Variants in PRIM2 observed in about 807,000 individuals in gnomAD.
The protein encoded by PRIM2 is DNA primase subunit 2.
In PRIM2, 39 loss-of-function variants were observed where a neutral mutation model predicts 67.3. The ratio of observed to expected loss-of-function variants is 0.58; its 90% CI spans 0.45 to 0.76. The LOEUF (loss-of-function observed/expected upper bound fraction) is 0.76. PRIM2 is among the 30% of genes least tolerant of loss of function. The pLI is 0.00. For missense variants in PRIM2, 398 were observed against 598.7 expected (o/e 0.66, Z 3.50); for synonymous variants, 143 against 198.7 (o/e 0.72, Z 2.36).
chr6:57,328,820 A>G (rs1010281697), intron 5 of PRIM2, among the ~76,000 whole-genome samples: 1 of 152,202 alleles, frequency 6.6e-6, no homozygotes, highest in African/African-American at 2.4e-5. Context: ...ATCCTCACCA[A>G]AAATTGTTAC....
chr6:57,524,706 TA>T (rs1379539540), intron 8 of PRIM2, among the ~76,000 whole-genome samples: 62 of 144,184 alleles, frequency 4.3e-4, no homozygotes, highest in Admixed American at 4.8e-4. Flanking sequence ...CGTCTCAAAT[TA>T]AAAAAAAAAA....
At chr6:57,248,422 T>C in the PRIM2 span, among the ~76,000 whole-genome samples, 1 of 152,188 alleles carries the variant, frequency 6.6e-6, no homozygotes, top group Non-Finnish European at 1.5e-5. Context: ...AGGTTCTTGG[T>C]GTTTCGAACA....
chr6:57,390,539 C>G (rs1210242991), intron 7 of PRIM2, among the ~76,000 whole-genome samples: 1 of 152,068 alleles, frequency 6.6e-6, no homozygotes, highest in Non-Finnish European at 1.5e-5. Context: ...TCTCCTTCCT[C>G]CCAACCTCCA....
At chr6:57,585,506 A>T (rs1185370001) in intron 10 of PRIM2, among the ~76,000 whole-genome samples, 2 of 152,170 alleles carry the variant, frequency 1.3e-5, no homozygotes, top group African/African-American at 4.8e-5. Flanking sequence ...AGATGAAAGA[A>T]ACTTAAGGAG....
intron 7 of PRIM2, among the ~76,000 whole-genome samples, chr6:57,491,932 G>A (rs1554345992): frequency 1.3e-5 from 2 of 152,124 alleles, no homozygotes; most frequent in Admixed American, 6.5e-5. Context: ...TCCAGTGTGC[G>A]TGTGGCCCCT....
At chr6:57,419,225 C>T (rs1283016703) in intron 7 of PRIM2, among the ~76,000 whole-genome samples, 2 of 151,820 alleles carry the variant, frequency 1.3e-5, no homozygotes, top group Non-Finnish European at 2.9e-5. Flanking sequence ...GCCCTAGGAT[C>T]TTGGTGGCCA....
Position 57,318,586 on chromosome 6 carries a change from T to G in PRIM2, c.141T>G (p.Ile47Met), listed in dbSNP as rs780944762. Residue 47 changes from isoleucine to methionine, a missense_variant, in exon 2 of 14, where the codon ATT becomes ATG. Coordinates refer to ENST00000615550, the MANE Select transcript of PRIM2 (RefSeq NM_000947.5). ...ISLIEFENLA[I>M]DRVKLLKSVE... Reference sequence around the variant, plus strand: ...TAATAGAATTTGAAAACTTGGCTATTGATAGAGTTAAATGTAAGTACTATT... The same window carrying G: ...TAATAGAATTTGAAAACTTGGCTATGGATAGAGTTAAATGTAAGTACTATT... 3.2e-6 allele frequency: 5 copies of G among 1,564,318 alleles called. No homozygotes were observed. The highest frequency in any genetic ancestry group is 3.5e-6 in the Non-Finnish European group (4 of 1,152,678).
chr6:57,339,008 C>T (rs1441345645), intron 5 of PRIM2, among the ~76,000 whole-genome samples: 2 of 152,132 alleles, frequency 1.3e-5, no homozygotes, highest in Non-Finnish European at 2.9e-5. Flanking sequence ...TCAGCAAAGT[C>T]TCAGGATACA....
intron 7 of PRIM2, among the ~76,000 whole-genome samples, chr6:57,507,170 G>C (rs1177651471): frequency 1.4e-4 from 22 of 152,052 alleles, no homozygotes; most frequent in African/African-American, 5.1e-4. Context: ...TTTAAACTTA[G>C]TGACATACCC....
At chr6:57,296,980 T>A in the PRIM2 span, among the ~76,000 whole-genome samples, 1 of 152,004 alleles carries the variant, frequency 6.6e-6, no homozygotes, top group East Asian at 1.9e-4. Context: ...AACAAAATAA[T>A]ACATAAGGAG....
At chr6:57,311,863 C>T (rs528511295), upstream of PRIM2, among the ~76,000 whole-genome samples, 28 of 152,150 alleles carry the variant, frequency 1.8e-4, no homozygotes, top group South Asian at 5.0e-3. Context: ...CCCGTCTCCA[C>T]CAAAAATACA....
chr6:57,484,290 G>A (rs1258543631), intron 7 of PRIM2, among the ~76,000 whole-genome samples: 16 of 152,220 alleles, frequency 1.1e-4, no homozygotes, highest in Admixed American at 4.6e-4. Context: ...ATGCAGGACA[G>A]TATTCACACA....
intron 12 of PRIM2, among the ~76,000 whole-genome samples, chr6:57,613,881 C>T (rs1212932355): frequency 6.5e-4 from 99 of 152,052 alleles, no homozygotes; most frequent in African/African-American, 2.3e-3. Context: ...GACAGAGTTT[C>T]GCTCTTGTCA....
In PRIM2 at chr6:57,592,877, A is replaced by G. The variant is rs1289678734; in HGVS notation, c.1021-8216A>G. Among the ~76,000 whole-genome samples the G allele has an allele frequency of 3.3e-5, 5 of 152,196 alleles. No individual in the cohort carries two copies. In the East Asian group the frequency reaches 5.8e-4, roughly 18 times the overall value. On this transcript the variant is annotated intron_variant, in intron 10 of 13. Coordinates refer to ENST00000615550, the MANE Select transcript of PRIM2 (RefSeq NM_000947.5). ...TATTCTAAGGAAGACCGTGCAATGC[A>G]CTGTCCATGTCAGCAAAGAGATGTT...
In PRIM2 at chr6:57,565,019, G is replaced by C. The variant is rs1775708552; in HGVS notation, c.1020+27394G>C. Among the ~76,000 whole-genome samples, 3 of 152,088 alleles carry C rather than the reference G, an allele frequency of 2.0e-5. No individual in the cohort carries two copies. In the East Asian group the frequency reaches 5.8e-4, roughly 29 times the overall value. On this transcript the variant is annotated intron_variant, in intron 10 of 13. Coordinates refer to ENST00000615550, the MANE Select transcript of PRIM2 (RefSeq NM_000947.5). Reference sequence around the variant, plus strand: ...TTGGCCATCTCCTAATTTAGAATGTGGATTCCTTAAATTTTTTTCTTTATT... The same window carrying C: ...TTGGCCATCTCCTAATTTAGAATGTCGATTCCTTAAATTTTTTTCTTTATT...
At chr6:57,393,764 A>G (rs947844013) in intron 7 of PRIM2, among the ~76,000 whole-genome samples, 3 of 151,876 alleles carry the variant, frequency 2.0e-5, no homozygotes, top group Non-Finnish European at 2.9e-5. Context: ...GGTTTTCCCA[A>G]TGTTATCTTC....
At chr6:57,472,870 T>A (rs1773372905) in intron 7 of PRIM2, among the ~76,000 whole-genome samples, 1 of 152,226 alleles carries the variant, frequency 6.6e-6, no homozygotes, top group African/African-American at 2.4e-5. Flanking sequence ...TGTAAGTATG[T>A]GTAATTATCT....
the PRIM2 span, among the ~76,000 whole-genome samples, chr6:57,296,365 A>G: frequency 0.054 from 8,162 of 152,240 alleles, 274 homozygotes; most frequent in Non-Finnish European, 0.078. Context: ...AAACTAATTT[A>G]GATTTTAAAA....
intron 7 of PRIM2, among the ~76,000 whole-genome samples, chr6:57,451,757 T>C (rs928800899): frequency 6.6e-6 from 1 of 152,060 alleles, no homozygotes; most frequent in African/African-American, 2.4e-5. Context: ...TCTAACTACA[T>C]ACTGGCTTGT....
Sources: allele counts gnomAD v4.1 joint callset (sites outside exome capture counted in the v4.1 genomes callset), GRCh38; gene constraint gnomAD v4.1.1; transcripts MANE v1.5; gene names NCBI Gene and HGNC (gene_info 2026-07-23, HGNC 2026-07-21).